KANK1: variants seen among roughly 807,000 people sequenced by gnomAD.
KANK1 encodes KN motif and ankyrin repeat domain-containing protein 1.
In KANK1, 109 loss-of-function variants were observed where a neutral mutation model predicts 106.2. The ratio of observed to expected loss-of-function variants is 1.03; its 90% CI spans 0.88 to 1.20. KANK1 has a LOEUF of 1.20. Ranked by LOEUF, KANK1 falls within the 50% of genes most tolerant of loss-of-function variation. The pLI is 0.00. For missense variants in KANK1, 2,399 were observed against 1,710.7 expected, an observed-to-expected ratio of 1.40 and a Z score of -7.10; for synonymous variants, 873 against 652.2, an observed-to-expected ratio of 1.34 and a Z score of -5.16.
chr9:536,825 A>G (rs1434143948), intron 1 of KANK1, among the ~76,000 whole-genome samples: 1 of 152,186 alleles, frequency 6.6e-6, no homozygotes, highest in Non-Finnish European at 1.5e-5. Flanking sequence ...CCTGCCACAC[A>G]TGATAAGGTG....
chr9:485,591 G>C (rs2058277651), intron 3 of KANK1, among the ~76,000 whole-genome samples: 1 of 152,160 alleles, frequency 6.6e-6, no homozygotes, highest in African/African-American at 2.4e-5. Flanking sequence ...TAAAGAGATA[G>C]GCTGGGCACA....
intron 1 of KANK1, among the ~76,000 whole-genome samples, chr9:606,073 G>A (rs1489174277): frequency 6.7e-6 from 1 of 150,040 alleles, no homozygotes; most frequent in Non-Finnish European, 1.5e-5. Flanking sequence ...CTTCCCTTCT[G>A]AAAAATTATA....
chr9:514,362 C>A (rs907602968), intron 1 of KANK1, among the ~76,000 whole-genome samples: 46 of 147,654 alleles, frequency 3.1e-4, no homozygotes, highest in African/African-American at 1.2e-3. Context: ...TGGGATTATC[C>A]CTGTTATGAG....
intron 3 of KANK1, among the ~76,000 whole-genome samples, chr9:485,898 G>C (rs1191581567): frequency 6.8e-6 from 1 of 146,238 alleles, no homozygotes; most frequent in Non-Finnish European, 1.5e-5. Flanking sequence ...AAAAGAAAAA[G>C]AGAGAGAGAG....
At chr9:565,223 T>C (rs1477794087) in intron 1 of KANK1, among the ~76,000 whole-genome samples, 1 of 152,200 alleles carries the variant, frequency 6.6e-6, no homozygotes, top group Admixed American at 6.5e-5. Context: ...TTCCCACCCA[T>C]TCAACTCCCT....
chr9:600,269 T>G (rs1392573462), intron 1 of KANK1, among the ~76,000 whole-genome samples: 2 of 151,786 alleles, frequency 1.3e-5, no homozygotes. Flanking sequence ...AGGTACCTCA[T>G]AAGTGGAATC....
Position 732,524 on chromosome 9 carries a change from A to G in KANK1, c.3152A>G (p.His1051Arg), listed in dbSNP as rs914373305. ...ACTCGGGGAATGGCAGAAGGGCACCATGCAGTTAATATTGAAGGTTTGAAG... is the reference window on the plus strand; with the variant it reads ...ACTCGGGGAATGGCAGAAGGGCACCGTGCAGTTAATATTGAAGGTTTGAAG... ...EDTRGMAEGH[H>R]AVNIEGLKSA... The change falls in exon 6 of 12, where the codon CAT becomes CGT. Residue 1051 changes from histidine (H) to arginine (R), a missense_variant. His to Arg is a conservative substitution (Grantham distance 29). Transcript: ENST00000382297. 1.2e-6 allele frequency: 2 copies of G among 1,614,084 alleles called. No individual in the cohort carries two copies. The highest frequency in any genetic ancestry group is 1.1e-5 in the South Asian group (1 of 91,076).
intron 2 of KANK1, among the ~76,000 whole-genome samples, chr9:694,633 C>G (rs1485044221): frequency 5.3e-5 from 8 of 152,196 alleles, no homozygotes; most frequent in Admixed American, 5.2e-4. Context: ...CTGTTACCAT[C>G]ACATGCCTCC....
In KANK1 at chr9:714,634, A is replaced by T. The variant is rs182691629; in HGVS notation, c.2698+1170A>T. ...CGGCCTCCCAAAGTGCTGGGATTAC[A>T]GACATGAGCCACCACACCTGGCCCG... On this transcript the variant is annotated intron_variant, in intron 3 of 11. Transcript: ENST00000382297. 2.2e-3 allele frequency among the ~76,000 whole-genome samples: 334 copies of T among 152,288 alleles called. 4 individuals carry two copies. Among genetic ancestry groups the T allele is most frequent in the African/African-American group, 7.7e-3 (320 of 41,558 alleles).
At chr9:739,206 A>G (rs1834659038) in intron 8 of KANK1, among the ~76,000 whole-genome samples, 1 of 152,212 alleles carries the variant, frequency 6.6e-6, no homozygotes, top group South Asian at 2.1e-4. Flanking sequence ...TTCTTGTTCA[A>G]ATGGAGCAGC....
intron 3 of KANK1, among the ~76,000 whole-genome samples, chr9:496,362 T>G (rs2132383843): frequency 6.6e-6 from 1 of 152,298 alleles, no homozygotes; most frequent in African/African-American, 2.4e-5. Flanking sequence ...CAGACCAGCC[T>G]GGCCAACAGG....
intron 1 of KANK1, among the ~76,000 whole-genome samples, chr9:657,410 C>A (rs994671089): frequency 6.6e-6 from 1 of 152,114 alleles, no homozygotes. Context: ...TCTTGAATCT[C>A]ATGGTAGTTC....
At chr9:709,129 G>C (rs1377760220) in intron 2 of KANK1, among the ~76,000 whole-genome samples, 1 of 152,182 alleles carries the variant, frequency 6.6e-6, no homozygotes, top group African/African-American at 2.4e-5. Context: ...CCTGGGATAG[G>C]GAATGTTTTG....
At chr9:638,658 A>C (rs1003681967) in intron 1 of KANK1, among the ~76,000 whole-genome samples, 1 of 152,206 alleles carries the variant, frequency 6.6e-6, no homozygotes, top group Non-Finnish European at 1.5e-5. Context: ...TTGAGTTTCC[A>C]TTCTTTTGAG....
chr9:590,136 C>G (rs1237683044), intron 1 of KANK1, among the ~76,000 whole-genome samples: 1 of 152,156 alleles, frequency 6.6e-6, no homozygotes, highest in African/African-American at 2.4e-5. Flanking sequence ...GTGCTCCTGT[C>G]TAGGTACCTT....
At chr9:471,812 T>G (rs553163345) in intron 2 of KANK1, among the ~76,000 whole-genome samples, 1 of 152,304 alleles carries the variant, frequency 6.6e-6, no homozygotes, top group South Asian at 2.1e-4. Context: ...GAGAATCGTT[T>G]GCACTTAGGC....
At chr9:526,046 C>A (rs550247313) in intron 1 of KANK1, among the ~76,000 whole-genome samples, 1 of 151,778 alleles carries the variant, frequency 6.6e-6, no homozygotes, top group Non-Finnish European at 1.5e-5. Context: ...CCACATGTAT[C>A]CCTCTCTGCC....
chr9:564,874 C>G (rs1418211199), intron 1 of KANK1, among the ~76,000 whole-genome samples: 2 of 152,172 alleles, frequency 1.3e-5, no homozygotes, highest in Non-Finnish European at 2.9e-5. Flanking sequence ...TTTGGCTTCT[C>G]TTGGGAAGCC....
At chr9:521,609 C>T (rs935384543) in intron 1 of KANK1, among the ~76,000 whole-genome samples, 3 of 148,410 alleles carry the variant, frequency 2.0e-5, no homozygotes, top group African/African-American at 7.6e-5. Flanking sequence ...GCTCGTCACC[C>T]AGGCTGGAGT....
Sources: allele counts gnomAD v4.1 joint callset (sites outside exome capture counted in the v4.1 genomes callset), GRCh38; gene constraint gnomAD v4.1.1; transcripts MANE v1.5; gene names NCBI Gene and HGNC (gene_info 2026-07-23, HGNC 2026-07-21).